The following ANGPT4 variants were observed in gnomAD, a reference collection of about 807,000 sequenced individuals.
ANGPT4 encodes angiopoietin-4.
Under a neutral mutation model 53.0 loss-of-function variants are expected in ANGPT4, and 50 were observed. The ratio of observed to expected loss-of-function variants is 0.94; its 90% CI spans 0.75 to 1.20. The LOEUF is 1.20. ANGPT4 is among the 50% of genes most tolerant of loss of function. The pLI is 0.00. For missense variants in ANGPT4, 648 were observed against 637.1 expected, an observed-to-expected ratio of 1.02 and a Z score of -0.18; for synonymous variants, 251 against 259.7, an observed-to-expected ratio of 0.97 and a Z score of 0.32.
intron 1 of ANGPT4, among the ~76,000 whole-genome samples, chr20:904,129 G>A (rs1465409774): frequency 6.6e-6 from 1 of 152,154 alleles, no homozygotes; most frequent in Non-Finnish European, 1.5e-5. Context: ...TAAACACATT[G>A]TTCAAAATTC....
chr20:890,406 C>CGGGGGTCAGGGGGGTGGGGG, intron 1 of ANGPT4, 38 bp from the exon 2 acceptor site: 4 of 840,960 alleles, frequency 4.8e-6, no homozygotes, highest in East Asian at 4.0e-5. Context: ...GGGGGAGGGG[C>CGGGGGTCAGGGGGGTGGGGG]GGGGGAAGCC....
At position 908,460 on chromosome 20, in the gene ANGPT4, T is replaced by A. The variant is rs1231654259; in HGVS notation, c.309+7446A>T. 6.6e-6 allele frequency among the ~76,000 whole-genome samples: 1 copy of A among 152,176 alleles called. No individual in the cohort carries two copies. The highest frequency in any genetic ancestry group is 1.5e-5 in the Non-Finnish European group (1 of 68,024). ...CTTTAGATCTCAGCTCTGTCCTTCT[T>A]CCTAGTGCCTCCCTCCCTCAAGGTC... On this transcript the variant is annotated intron_variant, in intron 1 of 8. Coordinates refer to ENST00000381922, the MANE Select transcript of ANGPT4 (RefSeq NM_015985.4). The surrounding 1 kb of genome is among the most constrained non-coding windows in gnomAD (Gnocchi z 4.9).
At chr20:913,105 G>A (rs1224416499) in intron 1 of ANGPT4, among the ~76,000 whole-genome samples, 1 of 152,158 alleles carries the variant, frequency 6.6e-6, no homozygotes. Context: ...CTTGCTGAGA[G>A]CTTGTTCATC....
chr20:893,325 C>T (rs186715972), intron 1 of ANGPT4, among the ~76,000 whole-genome samples: 537 of 152,278 alleles, frequency 3.5e-3, no homozygotes, highest in Non-Finnish European at 5.1e-3. Context: ...TTTTACTCAC[C>T]GGGACTTTGG....
chr20:894,604 T>C (rs949742951), intron 1 of ANGPT4, among the ~76,000 whole-genome samples: 1 of 151,800 alleles, frequency 6.6e-6, no homozygotes, highest in Non-Finnish European at 1.5e-5. Flanking sequence ...TCGAGTTTGG[T>C]CTCAGACTTT....
intron 1 of ANGPT4, among the ~76,000 whole-genome samples, chr20:890,802 C>G (rs931056931): frequency 2.0e-5 from 3 of 152,174 alleles, no homozygotes; most frequent in Admixed American, 1.3e-4. Flanking sequence ...ACTTCAATCC[C>G]GATGCAATGG....
intron 1 of ANGPT4, among the ~76,000 whole-genome samples, chr20:913,435 G>A (rs2122142548): frequency 6.6e-6 from 1 of 152,272 alleles, no homozygotes; most frequent in African/African-American, 2.4e-5. Flanking sequence ...CCTGCAGCCA[G>A]GTCAGCTGAA....
chr20:876,164 A>G (rs75445184), intron 7 of ANGPT4, among the ~76,000 whole-genome samples: 20 of 140,550 alleles, frequency 1.4e-4, no homozygotes, highest in African/African-American at 2.1e-4. Context: ...AAAAAAAAAA[A>G]AGAAGGTCTT....
rs1982583914 is a variant in ANGPT4 at position 908,794 on chromosome 20, T to G, written c.309+7112A>C. On this transcript the variant is annotated intron_variant, in intron 1 of 8. Coordinates refer to ENST00000381922, the MANE Select transcript of ANGPT4 (RefSeq NM_015985.4). This position sits in a 1 kb window ranked among gnomAD's most constrained non-coding sequence, Gnocchi z 4.9. The stretch of plus-strand genomic sequence containing the variant: ...GTTTGTGTGTGGTGGGGGGCAGGAG[T>G]CGGGGGTTGCACATCTACACATAGT... Among the ~76,000 whole-genome samples, 1 of 130,550 alleles carries G rather than the reference T, an allele frequency of 7.7e-6. No individual in the cohort carries two copies. Among genetic ancestry groups the G allele is most frequent in the African/African-American group, 2.8e-5 (1 of 35,854 alleles). The allele number at this position is 130,550 out of a possible 152,430, so 85.6% of individuals were successfully genotyped here.
Position 911,318 on chromosome 20 carries a change from C to T in ANGPT4, c.309+4588G>A, listed in dbSNP as rs1226463862. On this transcript the variant is annotated intron_variant, in intron 1 of 8. Transcript: ENST00000381922. This position sits in a 1 kb window ranked among gnomAD's most constrained non-coding sequence, Gnocchi z 4.9. ...GCTGGGGCAGTGCCAGGTTGGGAGG[C>T]CCCTGCCCAGCCCCTGACCCCTCTC... 6.6e-6 allele frequency among the ~76,000 whole-genome samples: 1 copy of T among 152,180 alleles called. No homozygotes were observed. The highest frequency in any genetic ancestry group is 1.5e-5 in the Non-Finnish European group (1 of 68,028).
chr20:888,507 C>T, intron 2 of ANGPT4, 68 bp from the exon 3 acceptor site: 2 of 1,546,310 alleles, frequency 1.3e-6, no homozygotes, highest in East Asian at 2.3e-5. Context: ...CAACCACCCA[C>T]CTGCCCACAG....
chr20:906,309 G>A (rs369314998), intron 1 of ANGPT4, among the ~76,000 whole-genome samples: 4 of 152,040 alleles, frequency 2.6e-5, no homozygotes, highest in African/African-American at 7.2e-5. Context: ...CACAGCCAGC[G>A]CCAGCTCACC....
intron 1 of ANGPT4, among the ~76,000 whole-genome samples, chr20:897,273 C>T (rs113304743): frequency 7.2e-5 from 11 of 152,296 alleles, no homozygotes; most frequent in African/African-American, 2.2e-4. Flanking sequence ...TTCAGGAGAC[C>T]GGTCCCCTGT....
chr20:891,123 A>G (rs193183037), intron 1 of ANGPT4, among the ~76,000 whole-genome samples: 1 of 152,290 alleles, frequency 6.6e-6, no homozygotes, highest in Admixed American at 6.5e-5. Flanking sequence ...TGCGCGTTCA[A>G]TGAATTGATG....
At chr20:909,806 C>T (rs904149079) in intron 1 of ANGPT4, among the ~76,000 whole-genome samples, 3 of 152,206 alleles carry the variant, frequency 2.0e-5, no homozygotes, top group Non-Finnish European at 4.4e-5. Flanking sequence ...GGGATTTGCC[C>T]CCAGGCCCTG....
chr20:898,561 A>G (rs1000975978), intron 1 of ANGPT4, among the ~76,000 whole-genome samples: 8 of 152,150 alleles, frequency 5.3e-5, no homozygotes, highest in Admixed American at 3.3e-4. Context: ...TTATTACCCA[A>G]TCTGCTCCCA....
At chr20:875,463 C>A (rs939548909) in intron 7 of ANGPT4, among the ~76,000 whole-genome samples, 1 of 152,194 alleles carries the variant, frequency 6.6e-6, no homozygotes, top group Non-Finnish European at 1.5e-5. Context: ...CATGTCCAAG[C>A]CTGCCTGGTG....
rs114193907 is a variant in ANGPT4 at position 909,141 on chromosome 20, G to A, written c.309+6765C>T. Among the ~76,000 whole-genome samples the A allele has an allele frequency of 8.2e-3, 1,245 of 152,186 alleles. 4 individuals carry two copies. Among genetic ancestry groups the A allele is most frequent in the Middle Eastern group, 0.027 (8 of 294 alleles). On this transcript the variant is annotated intron_variant, in intron 1 of 8. Coordinates refer to ENST00000381922, the MANE Select transcript of ANGPT4 (RefSeq NM_015985.4). ...AAACTCCCTGGGCCTCCGTTTCCCCGCAATAAATGGGGATCATAACAGTCC... is the reference window on the plus strand; with the variant it reads ...AAACTCCCTGGGCCTCCGTTTCCCCACAATAAATGGGGATCATAACAGTCC...
intron 6 of ANGPT4, 71 bp downstream of exon 6, chr20:879,676 C>G (rs1981314512): frequency 1.5e-6 from 2 of 1,334,208 alleles, no homozygotes; most frequent in South Asian, 2.7e-5. Context: ...CAAAGCAGTC[C>G]CCTTCCAACA....
Sources: allele counts gnomAD v4.1 joint callset (sites outside exome capture counted in the v4.1 genomes callset), GRCh38; gene constraint gnomAD v4.1.1; non-coding constraint Gnocchi (gnomAD v3.1); transcripts MANE v1.5; gene names NCBI Gene and HGNC (gene_info 2026-07-23, HGNC 2026-07-21).